Variants in PLG observed in about 807,000 individuals in gnomAD.
PLG encodes plasmin.
A neutral mutation model predicts 104.4 loss-of-function variants in PLG; 41 were observed. That is an observed-to-expected ratio of 0.39 (90% CI 0.31 to 0.51). PLG has a LOEUF of 0.51. PLG is among the 20% of genes least tolerant of loss of function. The probability of loss-of-function intolerance (pLI) is 0.76; values close to 1 mark genes in which losing one functional copy is unlikely to be tolerated. For missense variants in PLG, 891 were observed against 1,003.6 expected (o/e 0.89, Z 1.52); for synonymous variants, 337 against 357.1 (o/e 0.94, Z 0.63).
chr6:160,714,674 A>T, intron 5 of PLG, 120 bp from the exon 6 acceptor site: 1 of 887,762 alleles, frequency 1.1e-6, no homozygotes, highest in South Asian at 1.5e-5. Context: ...GTTGTGAATT[A>T]CATCGGAATG....
In PLG at chr6:160,738,275, C is replaced by A. The variant is rs1262145255; in HGVS notation, c.1803-263C>A. ...GGCTGTAGAGCTTCATGCGGAGTTA[C>A]TTAGCTTTGCTCTCCTGTGGACAGG... On this transcript the variant is annotated intron_variant, in intron 14 of 18. Transcript: ENST00000308192. This position sits in a 1 kb window ranked among gnomAD's most constrained non-coding sequence, Gnocchi z 6.8. Among the ~76,000 whole-genome samples the A allele has an allele frequency of 6.6e-6, 1 of 152,192 alleles. No individual in the cohort carries two copies. The highest frequency in any genetic ancestry group is 1.5e-5 in the Non-Finnish European group (1 of 68,038).
chr6:160,749,371 C>T (rs1487715782), intron 17 of PLG, among the ~76,000 whole-genome samples: 1 of 145,716 alleles, frequency 6.9e-6, no homozygotes, highest in Admixed American at 6.8e-5. Context: ...CATTGTCACC[C>T]TCAACATCAC....
At chr6:160,746,419 T>C (rs557767614) in intron 17 of PLG, among the ~76,000 whole-genome samples, 3 of 152,376 alleles carry the variant, frequency 2.0e-5, no homozygotes, top group African/African-American at 7.2e-5. Flanking sequence ...TTTATTTTGC[T>C]ATTAATACTT....
At chr6:160,729,974 G>A (rs1252038125) in intron 10 of PLG, among the ~76,000 whole-genome samples, 1 of 152,206 alleles carries the variant, frequency 6.6e-6, no homozygotes, top group East Asian at 1.9e-4. Flanking sequence ...TTCCTCAAAT[G>A]GGGTGTCTGG....
At position 160,716,654 on chromosome 6, in the gene PLG, C is replaced by G; in HGVS notation, c.678C>G (p.Asn226Lys). 1 of 1,597,306 alleles carries G rather than the reference C, an allele frequency of 6.3e-7. No homozygotes were observed. ...TTTCTTGTCCATTCAGATTTCCAAA[C>G]AAGAACCTGAAGAAGAATTACTGTC... ...AHGYIPSKFP[N>K]KNLKKNYCRN... Residue 226 changes from asparagine to lysine, a missense_variant, in exon 7 of 19, where the codon AAC (asparagine) becomes AAG (lysine). Asn to Lys is a moderately conservative substitution (Grantham distance 94, BLOSUM62 0). Transcript: ENST00000308192.
chr6:160,713,471 G>A lies in PLG; in HGVS notation c.547+346G>A, dbSNP rs185999459. The A allele has an allele frequency of 1.4e-4, 46 of 323,622 alleles. 1 individual carries two copies. Among genetic ancestry groups the A allele is most frequent in the African/African-American group, 1.3e-4 (6 of 46,274 alleles). 20.0% of individuals were successfully genotyped at this position (323,622 alleles called of 1,614,324 possible). On this transcript the variant is annotated intron_variant, in intron 5 of 18. Coordinates refer to ENST00000308192, the MANE Select transcript of PLG (RefSeq NM_000301.5). ...TTTAGTAGAGACAGGGTTTCTCCAC[G>A]TAGGTCAGGCTGGTCTTGAACTCTC...
At chr6:160,714,373 T>A (rs1218901471) in intron 5 of PLG, among the ~76,000 whole-genome samples, 3 of 152,218 alleles carry the variant, frequency 2.0e-5, no homozygotes, top group Admixed American at 6.5e-5. Flanking sequence ...ATGATCAGAA[T>A]AATTTCATAC....
chr6:160,745,392 A>G (rs146703576), intron 17 of PLG, among the ~76,000 whole-genome samples: 4 of 152,180 alleles, frequency 2.6e-5, no homozygotes, highest in Admixed American at 6.5e-5. Context: ...ACCCTTTACC[A>G]TTATGTAATG....
intron 3 of PLG, 65 bp downstream of exon 3, chr6:160,707,871 T>G (rs1317036304): frequency 1.8e-6 from 2 of 1,109,332 alleles, no homozygotes; most frequent in Non-Finnish European, 2.8e-6. Context: ...CCTCTTTCTC[T>G]ATTCTATCTT....
Position 160,719,852 on chromosome 6 carries a change from AATAC to A in PLG, c.1096+1017_1096+1020del, listed in dbSNP as rs1375329333. Among the ~76,000 whole-genome samples, 16 of 152,226 alleles carry A rather than the reference AATAC, an allele frequency of 1.1e-4. No individual in the cohort carries two copies. Among genetic ancestry groups the A allele is most frequent in the African/African-American group, 3.9e-4 (16 of 41,504 alleles). Reference sequence around the variant, plus strand: ...ACTTCTACTATGTCACAGATCTCACAATACATTGACACTATTTTTGCCCTAATAG... The same window carrying A: ...ACTTCTACTATGTCACAGATCTCACAATTGACACTATTTTTGCCCTAATAG... On this transcript the variant is annotated intron_variant, in intron 9 of 18. Coordinates refer to ENST00000308192, the MANE Select transcript of PLG (RefSeq NM_000301.5). This position sits in a 1 kb window ranked among gnomAD's most constrained non-coding sequence, Gnocchi z 4.1.
At position 160,706,519 on chromosome 6, in the gene PLG, G is replaced by A. The variant is rs1777528776; in HGVS notation, c.162G>A (p.Glu54=). 1 of 1,613,734 alleles carries A rather than the reference G, an allele frequency of 6.2e-7. No individual in the cohort carries two copies. The highest frequency in any genetic ancestry group is 1.7e-5 in the Admixed American group (1 of 60,002). The change falls in exon 2 of 19, where the codon GAG becomes GAA. Residue 54 remains glutamate (E), a synonymous_variant. Coordinates refer to ENST00000308192, the MANE Select transcript of PLG (RefSeq NM_000301.5). Reference sequence around the variant, plus strand: ...TAGAAGAATGTGCAGCAAAATGTGAGGAGGACGAAGAATTCACCTGCAGGT... The same window carrying A: ...TAGAAGAATGTGCAGCAAAATGTGAAGAGGACGAAGAATTCACCTGCAGGT... ...GSIEECAAKC[E]EDEEFTCRAF...
chr6:160,722,574 C>G lies in PLG; in HGVS notation c.1256+7C>G. ...CAGAAAACTACCCAAATGCGTATGT[C>G]TTTGATTTTTACTGTAAGAGGGGCA... is the stretch of plus-strand genomic sequence containing the variant. On this transcript the variant is annotated splice_region_variant and intron_variant, in intron 10 of 18. Coordinates refer to ENST00000308192, the MANE Select transcript of PLG (RefSeq NM_000301.5). 1.2e-6 allele frequency: 2 copies of G among 1,612,686 alleles called. No individual in the cohort carries two copies. The highest frequency in any genetic ancestry group is 1.7e-6 in the Non-Finnish European group (2 of 1,178,858).
intron 9 of PLG, 90 bp from the exon 10 acceptor site, chr6:160,722,318 G>GAAA: frequency 1.2e-6 from 1 of 840,566 alleles, no homozygotes; most frequent in Non-Finnish European, 2.1e-6. Flanking sequence ...ATAATTCTCA[G>GAAA]AGGCTACCGT....
At chr6:160,711,835 G>A in intron 4 of PLG, 1 of 1,448,402 alleles carries the variant, frequency 6.9e-7, no homozygotes, top group Non-Finnish European at 9.1e-7. Flanking sequence ...TCAAATTGTG[G>A]AGCAAAAGAG....
rs1017368525 is a variant in PLG at position 160,732,459 on chromosome 6, C to T, written c.1587+566C>T. ...GGGGGATTTCTCCTCACACCCCAAG[C>T]GAGTCTCCAGCAGATACCAGCTGGG... On this transcript the variant is annotated intron_variant, in intron 12 of 18. Transcript: ENST00000308192. This position sits in a 1 kb window ranked among gnomAD's most constrained non-coding sequence, Gnocchi z 4.5. 1.3e-5 allele frequency among the ~76,000 whole-genome samples: 2 copies of T among 152,102 alleles called. No individual in the cohort carries two copies. Among genetic ancestry groups the T allele is most frequent in the Non-Finnish European group, 2.9e-5 (2 of 68,020 alleles).
At chr6:160,703,348 A>G (rs1256078597) in intron 1 of PLG, among the ~76,000 whole-genome samples, 1 of 152,194 alleles carries the variant, frequency 6.6e-6, no homozygotes, top group East Asian at 1.9e-4. Flanking sequence ...GGATTTCAAG[A>G]TATTGAGAGT....
chr6:160,740,323 T>C lies in PLG; in HGVS notation c.2019-988T>C, dbSNP rs4252163. 0.019 allele frequency among the ~76,000 whole-genome samples: 2,856 copies of C among 152,314 alleles called. 86 individuals are homozygous for C. The highest frequency in any genetic ancestry group is 0.066 in the African/African-American group (2,743 of 41,566). The stretch of plus-strand genomic sequence containing the variant: ...GTGTCCTCCCCGCCATCCCAGCAAA[T>C]GTGCAAATAGAAGGTCCCCGTTCCT... On this transcript the variant is annotated intron_variant, in intron 16 of 18. Coordinates refer to ENST00000308192, the MANE Select transcript of PLG (RefSeq NM_000301.5). The surrounding 1 kb of genome is among the most constrained non-coding windows in gnomAD (Gnocchi z 5.2).
In PLG at chr6:160,732,665, G is replaced by C. The variant is rs1483488055; in HGVS notation, c.1587+772G>C. Among the ~76,000 whole-genome samples, 2 of 152,172 alleles carry C rather than the reference G, an allele frequency of 1.3e-5. No homozygotes were observed. The highest frequency in any genetic ancestry group is 2.9e-5 in the Non-Finnish European group (2 of 68,038). On this transcript the variant is annotated intron_variant, in intron 12 of 18. Transcript: ENST00000308192. The surrounding 1 kb of genome is among the most constrained non-coding windows in gnomAD (Gnocchi z 4.5). ...TTTTCTACTTGATTACTTTGCTAGA[G>C]TGGCTCACAGAACTCAGGGGAACAC...
rs113752311 is a variant in PLG, at chr6:160,713,273, A to ATT, written c.547+159_547+160dup. The ATT allele has an allele frequency of 0.035, 20,499 of 579,902 alleles. 918 individuals carry two copies. Among genetic ancestry groups the ATT allele is most frequent in the African/African-American group, 0.19 (10,214 of 52,498 alleles). 35.9% of individuals were successfully genotyped at this position (579,902 alleles called of 1,614,324 possible). ...AAGCAAAACCCCAGAATTAACCTGA[A>ATT]TTTTTTTTTTTTCTGAGACAGAGTT... On this transcript the variant is annotated intron_variant, in intron 5 of 18. Coordinates refer to ENST00000308192, the MANE Select transcript of PLG (RefSeq NM_000301.5).
Sources: allele counts gnomAD v4.1 joint callset (sites outside exome capture counted in the v4.1 genomes callset), GRCh38; gene constraint gnomAD v4.1.1; non-coding constraint Gnocchi (gnomAD v3.1); transcripts MANE v1.5; gene names NCBI Gene and HGNC (gene_info 2026-07-23, HGNC 2026-07-21).